GAREM1: variants seen among roughly 807,000 people sequenced by gnomAD.
The protein encoded by GAREM1 is GRB2-associated and regulator of MAPK protein 1.
A neutral mutation model predicts 71.3 loss-of-function variants in GAREM1; 26 were observed. The ratio of observed to expected loss-of-function variants is 0.36; its 90% CI spans 0.27 to 0.51. GAREM1 has a LOEUF of 0.51. Ranked by LOEUF, GAREM1 falls within the 20% of genes least tolerant of loss-of-function variation. The pLI, the probability that GAREM1 is intolerant of heterozygous loss-of-function variation, is 0.95. For synonymous variants in GAREM1, 440 were observed against 433.2 expected (o/e 1.02, Z -0.20); for missense variants, 1,026 against 1,103.1 (o/e 0.93, Z 0.99).
Position 32,393,738 on chromosome 18 carries a change from T to C in GAREM1, c.122-703A>G, listed in dbSNP as rs1348642703. Among the ~76,000 whole-genome samples, 3 of 152,356 alleles carry C rather than the reference T, an allele frequency of 2.0e-5. No individual in the cohort carries two copies. In the East Asian group the frequency reaches 5.8e-4, roughly 29 times the overall value. On this transcript the variant is annotated intron_variant, in intron 1 of 5. Transcript: ENST00000269209. ...GAAATTTCTTTTCATTTTAATATTT[T>C]CTGAAGTATCTTTTCGGCATTTGAA...
rs116903261 is a variant in GAREM1, at chr18:32,310,914, G to C, written c.263-591C>G. Among the ~76,000 whole-genome samples the C allele has an allele frequency of 6.7e-3, 1,021 of 152,298 alleles. 36 individuals carry two copies. The highest frequency in any genetic ancestry group is 0.045 in the East Asian group (231 of 5,180). The stretch of plus-strand genomic sequence containing the variant: ...GTGATGCTGCTGAGGCAGAAGCATG[G>C]AGCAGCAGCAGACAGCTGTCTGGTG... On this transcript the variant is annotated intron_variant, in intron 2 of 5. Coordinates refer to ENST00000269209, the MANE Select transcript of GAREM1 (RefSeq NM_001242409.2).
At chr18:32,335,388 G>A (rs956779549) in intron 2 of GAREM1, among the ~76,000 whole-genome samples, 11 of 152,176 alleles carry the variant, frequency 7.2e-5, no homozygotes, top group African/African-American at 2.4e-4. Context: ...TGCAAGTGAA[G>A]AGGGAATTAC....
At chr18:32,463,609 G>A (rs1303116714) in intron 1 of GAREM1, among the ~76,000 whole-genome samples, 1 of 138,186 alleles carries the variant, frequency 7.2e-6, no homozygotes, top group Non-Finnish European at 1.5e-5. Context: ...TTGCTCTGTC[G>A]CCCAGGCCGG....
At chr18:32,411,901 G>A (rs4104670) in intron 1 of GAREM1, among the ~76,000 whole-genome samples, 92 of 151,262 alleles carry the variant, frequency 6.1e-4, no homozygotes, top group African/African-American at 2.0e-3. Context: ...TTTATTCAGC[G>A]TCACGATCAG....
intron 1 of GAREM1, among the ~76,000 whole-genome samples, chr18:32,457,413 T>C (rs1447199385): frequency 2.0e-5 from 3 of 152,004 alleles, no homozygotes; most frequent in African/African-American, 7.3e-5. Context: ...TTATACTTAG[T>C]TCATACATTT....
chr18:32,307,490 G>C (rs1045532457), intron 3 of GAREM1, among the ~76,000 whole-genome samples: 1 of 152,016 alleles, frequency 6.6e-6, no homozygotes, highest in Non-Finnish European at 1.5e-5. Context: ...TCCCCTGCTA[G>C]TTCTTAGTTC....
intron 3 of GAREM1, among the ~76,000 whole-genome samples, chr18:32,299,679 G>A (rs2047180975): frequency 6.6e-6 from 1 of 152,090 alleles, no homozygotes; most frequent in South Asian, 2.1e-4. Context: ...CAAAATGATG[G>A]GATGTTGTTG....
At chr18:32,372,003 T>C (rs569631738) in intron 2 of GAREM1, among the ~76,000 whole-genome samples, 1 of 152,176 alleles carries the variant, frequency 6.6e-6, no homozygotes, top group East Asian at 1.9e-4. Context: ...GGTTATGAAG[T>C]AAATGAGAGG....
chr18:32,394,925 T>C (rs1025031392), intron 1 of GAREM1, among the ~76,000 whole-genome samples: 13 of 152,188 alleles, frequency 8.5e-5, no homozygotes, highest in African/African-American at 3.1e-4. Flanking sequence ...AGAGTGGATG[T>C]GGAGACACAC....
intron 4 of GAREM1, among the ~76,000 whole-genome samples, chr18:32,271,044 C>T (rs184789447): frequency 6.6e-6 from 1 of 151,480 alleles, no homozygotes; most frequent in Non-Finnish European, 1.5e-5. Context: ...GAGGTGGGAC[C>T]ACAGGTGTGC....
At chr18:32,360,928 C>T (rs1231474551) in intron 2 of GAREM1, among the ~76,000 whole-genome samples, 1 of 152,158 alleles carries the variant, frequency 6.6e-6, no homozygotes, top group Non-Finnish European at 1.5e-5. Context: ...TCTCCCTTTG[C>T]CTCAGACGTT....
intron 1 of GAREM1, among the ~76,000 whole-genome samples, chr18:32,411,854 G>A (rs1021023017): frequency 3.3e-5 from 5 of 150,314 alleles, no homozygotes; most frequent in South Asian, 2.1e-4. Context: ...CTTCAGAGTA[G>A]ACTAACTTTA....
At chr18:32,450,523 G>A (rs1178572427) in intron 1 of GAREM1, among the ~76,000 whole-genome samples, 1 of 152,106 alleles carries the variant, frequency 6.6e-6, no homozygotes, top group African/African-American at 2.4e-5. Context: ...CTTGATCAAT[G>A]TGATTCACTC....
intron 1 of GAREM1, among the ~76,000 whole-genome samples, chr18:32,421,352 G>A (rs960436889): frequency 2.0e-5 from 3 of 152,116 alleles, no homozygotes; most frequent in African/African-American, 7.2e-5. Flanking sequence ...ATTCTCTTCT[G>A]CACATCCCCT....
intron 1 of GAREM1, among the ~76,000 whole-genome samples, chr18:32,454,069 C>T (rs964690674): frequency 5.9e-5 from 9 of 151,690 alleles, no homozygotes; most frequent in African/African-American, 2.2e-4. Context: ...TAATAGTGAC[C>T]TCATCTTACC....
intron 1 of GAREM1, among the ~76,000 whole-genome samples, chr18:32,444,586 C>T (rs1249730386): frequency 6.6e-6 from 1 of 152,100 alleles, no homozygotes; most frequent in East Asian, 1.9e-4. Flanking sequence ...GTATAGTCTT[C>T]ATATGAGAAA....
At position 32,287,756 on chromosome 18, in the gene GAREM1, C is replaced by A. The variant is rs1278613575; in HGVS notation, c.841G>T (p.Val281Leu). The part of the protein sequence containing the change: ...YKFVNIQTKT[V>L]VVCCVLRNNK... ...TTCCGCAGCACACAGCAAACCACCA[C>A]CGTCTTGGTCTGGATGTTCACAAAC... Residue 281 changes from valine to leucine, a missense_variant, in exon 4 of 6, where the codon GTG (valine) becomes TTG (leucine). By Grantham distance (32) the Val-to-Leu change is conservative. This residue lies in a region of GAREM1 where 218 missense variants were observed against 296.8 expected (regional missense o/e 0.73). Transcript: ENST00000269209. This position sits in a 1 kb window ranked among gnomAD's most constrained non-coding sequence, Gnocchi z 5.9. 6.2e-7 allele frequency: 1 copy of A among 1,613,650 alleles called. No individual in the cohort carries two copies. Among genetic ancestry groups the A allele is most frequent in the Non-Finnish European group, 8.5e-7 (1 of 1,180,024 alleles).
intron 4 of GAREM1, among the ~76,000 whole-genome samples, chr18:32,271,139 A>T (rs2041456541): frequency 6.6e-6 from 1 of 151,744 alleles, no homozygotes; most frequent in South Asian, 2.1e-4. Flanking sequence ...AAGCATTGGG[A>T]TTATAGGCAT....
In GAREM1 at chr18:32,453,426, G is replaced by GA. The variant is rs1488557889; in HGVS notation, c.121+16881dup. ...TTATTCTGTCACAGCTCTAGAGGCT[G>GA]AAAGTCGAAAACCGAGCTGCAGGCA... On this transcript the variant is annotated intron_variant, in intron 1 of 5. Coordinates refer to ENST00000269209, the MANE Select transcript of GAREM1 (RefSeq NM_001242409.2). Among the ~76,000 whole-genome samples the GA allele has an allele frequency of 2.6e-5, 4 of 152,170 alleles. No individual in the cohort carries two copies. In the East Asian group the frequency reaches 7.7e-4, roughly 29 times the overall value.
Sources: gnomAD v4.1 joint callset for allele counts (sites outside exome capture counted in the v4.1 genomes callset) on GRCh38, gnomAD v4.1.1 for gene constraint, gnomAD v4.1.1 regional missense constraint, Gnocchi (gnomAD v3.1) non-coding constraint, MANE v1.5 for transcripts, NCBI Gene and HGNC (gene_info 2026-07-23, HGNC 2026-07-21) for gene names.